ADGRB3: variants seen among roughly 807,000 people sequenced by gnomAD.
ADGRB3 encodes the protein brain-specific angiogenesis inhibitor 3.
Under a neutral mutation model 193.4 loss-of-function variants are expected in ADGRB3, and 37 were observed. The ratio of observed to expected loss-of-function variants is 0.19; its 90% confidence interval spans 0.15 to 0.25. The LOEUF (loss-of-function observed/expected upper bound fraction) is 0.25. Among genes scored for constraint, ADGRB3 ranks in the 10% least tolerant of loss-of-function variants. The pLI, the probability that ADGRB3 is intolerant of heterozygous loss-of-function variation, is 1.00. For missense variants in ADGRB3, 1,637 were observed against 1,852.9 expected (o/e 0.88, Z 2.14); for synonymous variants, 690 against 644.2 (o/e 1.07, Z -1.08).
intron 20 of ADGRB3, among the ~76,000 whole-genome samples, chr6:69,241,150 G>T (rs1766376341): frequency 6.6e-6 from 1 of 151,732 alleles, no homozygotes; most frequent in Admixed American, 6.6e-5. Flanking sequence ...TTTCTACAAG[G>T]TGTACTTCAC....
At chr6:69,218,350 G>A (rs1765817371) in intron 17 of ADGRB3, among the ~76,000 whole-genome samples, 1 of 152,060 alleles carries the variant, frequency 6.6e-6, no homozygotes, top group Non-Finnish European at 1.5e-5. Context: ...ATAAACTGTA[G>A]CCCTTGGCAG....
At chr6:68,953,892 TGTG>T (rs1767998693) in intron 6 of ADGRB3, among the ~76,000 whole-genome samples, 1 of 152,254 alleles carries the variant, frequency 6.6e-6, no homozygotes, top group Admixed American at 6.5e-5. Flanking sequence ...ACTTTAGATT[TGTG>T]GTGAATTCTC....
At chr6:68,768,317 A>T (rs937928814) in intron 3 of ADGRB3, among the ~76,000 whole-genome samples, 1 of 152,204 alleles carries the variant, frequency 6.6e-6, no homozygotes, top group African/African-American at 2.4e-5. Flanking sequence ...TAACCAAAAC[A>T]GCATGGTACT....
At chr6:68,841,485 T>G (rs555403904) in intron 3 of ADGRB3, among the ~76,000 whole-genome samples, 1 of 152,212 alleles carries the variant, frequency 6.6e-6, no homozygotes, top group South Asian at 2.1e-4. Context: ...TCATGGAAAT[T>G]AAACAATATG....
chr6:68,810,602 G>A (rs907638229), intron 3 of ADGRB3, among the ~76,000 whole-genome samples: 1 of 152,196 alleles, frequency 6.6e-6, no homozygotes, highest in African/African-American at 2.4e-5. Flanking sequence ...GAAGTGGTTT[G>A]AGGTAGACGA....
At chr6:68,994,437 A>G (rs1335956217) in intron 11 of ADGRB3, among the ~76,000 whole-genome samples, 4 of 152,224 alleles carry the variant, frequency 2.6e-5, no homozygotes, top group Non-Finnish European at 5.9e-5. Context: ...CCCTGAAAAT[A>G]TAAGGCAAAT....
At chr6:69,240,902 T>C (rs1169616854) in intron 20 of ADGRB3, among the ~76,000 whole-genome samples, 2 of 151,960 alleles carry the variant, frequency 1.3e-5, no homozygotes, top group African/African-American at 2.4e-5. Flanking sequence ...AGGAATTATT[T>C]ATTGGGATCA....
rs62418280 is a variant in ADGRB3, at chr6:68,964,325, G to A, written c.1525+7516G>A. Among the ~76,000 whole-genome samples, 479 of 152,222 alleles carry A rather than the reference G, an allele frequency of 3.1e-3. 1 individual carries two copies. Among genetic ancestry groups the A allele is most frequent in the Non-Finnish European group, 5.8e-3 (394 of 68,018 alleles). ...CTCAAGGCAGTTCTACCCTGTCATGGGAGGATTTGTCCCAGCTGTGCCCAA... is the reference window on the plus strand; with the variant it reads ...CTCAAGGCAGTTCTACCCTGTCATGAGAGGATTTGTCCCAGCTGTGCCCAA... On this transcript the variant is annotated intron_variant, in intron 8 of 31. Coordinates refer to ENST00000370598, the MANE Select transcript of ADGRB3 (RefSeq NM_001704.3).
chr6:68,817,281 G>T (rs1207334572), intron 3 of ADGRB3, among the ~76,000 whole-genome samples: 1 of 110,292 alleles, frequency 9.1e-6, no homozygotes, highest in Non-Finnish European at 1.8e-5. Flanking sequence ...ATAGTGAAAA[G>T]GTATTTATTA....
chr6:69,093,844 T>C (rs1438498842), intron 17 of ADGRB3, among the ~76,000 whole-genome samples: 2 of 152,118 alleles, frequency 1.3e-5, no homozygotes, highest in South Asian at 2.1e-4. Context: ...GAACTAGAGA[T>C]GTAAGAATCG....
intron 3 of ADGRB3, among the ~76,000 whole-genome samples, chr6:68,868,224 G>A (rs145059450): frequency 6.6e-6 from 1 of 152,296 alleles, no homozygotes; most frequent in African/African-American, 2.4e-5. Flanking sequence ...CAGTTCTGGT[G>A]AGAGTGAGTT....
chr6:69,362,727 G>A (rs533606360), intron 29 of ADGRB3, among the ~76,000 whole-genome samples: 1 of 152,060 alleles, frequency 6.6e-6, no homozygotes, highest in Non-Finnish European at 1.5e-5. Context: ...TTCAACTCCA[G>A]GGTGACTGAA....
chr6:68,651,320 G>A (rs912834463), intron 3 of ADGRB3, among the ~76,000 whole-genome samples: 3 of 152,160 alleles, frequency 2.0e-5, no homozygotes, highest in Non-Finnish European at 4.4e-5. Context: ...CCGTGGAGCA[G>A]CATCATTTCA....
At chr6:68,821,721 T>C (rs1767750918) in intron 3 of ADGRB3, among the ~76,000 whole-genome samples, 1 of 151,936 alleles carries the variant, frequency 6.6e-6, no homozygotes. Flanking sequence ...TAAACTCATC[T>C]GGTAGCAAAG....
At chr6:68,810,011 C>T (rs895586485) in intron 3 of ADGRB3, among the ~76,000 whole-genome samples, 5 of 151,978 alleles carry the variant, frequency 3.3e-5, no homozygotes, top group African/African-American at 1.2e-4. Context: ...CTGGTAATAC[C>T]ATATGTTTTA....
chr6:68,782,846 T>C (rs527995515), intron 3 of ADGRB3, among the ~76,000 whole-genome samples: 6 of 152,226 alleles, frequency 3.9e-5, no homozygotes, highest in African/African-American at 1.2e-4. Flanking sequence ...GTAAATTTGT[T>C]TGAGTTCATT....
chr6:68,768,951 C>A (rs1766564985), intron 3 of ADGRB3, among the ~76,000 whole-genome samples: 1 of 152,096 alleles, frequency 6.6e-6, no homozygotes, highest in Non-Finnish European at 1.5e-5. Flanking sequence ...CTCATCAACA[C>A]TGGTCATTAG....
At chr6:69,378,031 A>G (rs1184406309) in intron 30 of ADGRB3, among the ~76,000 whole-genome samples, 1 of 152,186 alleles carries the variant, frequency 6.6e-6, no homozygotes, top group African/African-American at 2.4e-5. Context: ...CTATATGTCT[A>G]TGCTGTCTTG....
chr6:69,039,683 G>A (rs1470672591), intron 13 of ADGRB3, among the ~76,000 whole-genome samples: 2 of 151,726 alleles, frequency 1.3e-5, no homozygotes, highest in African/African-American at 4.8e-5. Context: ...ATTCAGAATA[G>A]GAAAGGAAGA....
Sources: allele counts gnomAD v4.1 joint callset (sites outside exome capture counted in the v4.1 genomes callset), GRCh38; gene constraint gnomAD v4.1.1; transcripts MANE v1.5; gene names NCBI Gene and HGNC (gene_info 2026-07-23, HGNC 2026-07-21).